ITFG1: variants seen among roughly 807,000 people sequenced by gnomAD.
ITFG1 encodes the protein integrin alpha FG-GAP repeat containing 1.
ITFG1 carries 34 observed loss-of-function variants against 81.8 expected under a neutral mutation model. The observed-to-expected ratio is 0.42, with a 90% CI of 0.32 to 0.55. The LOEUF is 0.55. ITFG1 is among the 20% of genes least tolerant of loss of function. ITFG1 has a pLI of 0.17. For synonymous variants in ITFG1, 285 were observed against 270.6 expected (o/e 1.05, Z -0.52); for missense variants, 672 against 755.4 (o/e 0.89, Z 1.29).
In ITFG1 at chr16:47,319,537, T is replaced by C. The variant is rs1382066362; in HGVS notation, c.803-5714A>G. On this transcript the variant is annotated intron_variant, in intron 8 of 17. Transcript: ENST00000320640. ...ACAACCAACATACTTGGTACGCAGA[T>C]GTGTTTTACGCATATTTTCCAACAC... Among the ~76,000 whole-genome samples, 8 of 152,230 alleles carry C rather than the reference T, an allele frequency of 5.3e-5. No homozygotes were observed. In the East Asian group the frequency reaches 1.5e-3, roughly 29 times the overall value.
chr16:47,309,591 C>G (rs1967225410), intron 10 of ITFG1, among the ~76,000 whole-genome samples: 1 of 152,132 alleles, frequency 6.6e-6, no homozygotes, highest in Non-Finnish European at 1.5e-5. Context: ...GGAATGAACA[C>G]TAAGATGAAC....
At chr16:47,449,154 T>C (rs1368757144) in intron 5 of ITFG1, 1 of 152,210 alleles carries the variant, frequency 6.6e-6, no homozygotes, top group East Asian at 1.9e-4. Flanking sequence ...CAGAAGCATT[T>C]CACACTGAAT....
chr16:47,450,958 T>C, intron 5 of ITFG1, among the ~76,000 whole-genome samples: 1 of 152,170 alleles, frequency 6.6e-6, no homozygotes, highest in East Asian at 1.9e-4. Context: ...TTCCAGAGCT[T>C]AGAGGAGTGC....
chr16:47,224,239 A>C lies in ITFG1; in HGVS notation c.1375-5293T>G, dbSNP rs1965731740. 2.0e-5 allele frequency among the ~76,000 whole-genome samples: 3 copies of C among 152,192 alleles called. No individual in the cohort carries two copies. The South Asian group carries it at 6.2e-4, about 31-fold the overall frequency. On this transcript the variant is annotated intron_variant, in intron 13 of 17. Coordinates refer to ENST00000320640, the MANE Select transcript of ITFG1 (RefSeq NM_030790.5). ...AATAAATAAATAAATAAAAGAAAAT[A>C]ATCATCAGCAATTGTTTAACATTGC...
At chr16:47,424,280 C>G (rs531310775) in intron 6 of ITFG1, among the ~76,000 whole-genome samples, 2 of 152,296 alleles carry the variant, frequency 1.3e-5, no homozygotes, top group African/African-American at 2.4e-5. Flanking sequence ...GCAGCTCCAT[C>G]AAGTCATTTA....
At chr16:47,197,050 G>A (rs908363209) in intron 14 of ITFG1, among the ~76,000 whole-genome samples, 6 of 152,194 alleles carry the variant, frequency 3.9e-5, no homozygotes, top group Non-Finnish European at 7.3e-5. Context: ...TCACATGACA[G>A]ATAGCAGGCC....
chr16:47,337,429 G>T (rs1967721273), intron 8 of ITFG1, among the ~76,000 whole-genome samples: 1 of 152,026 alleles, frequency 6.6e-6, no homozygotes. Flanking sequence ...ACTTAGCTGG[G>T]CGTGGTGGTG....
At chr16:47,437,901 A>C (rs1321635950) in intron 5 of ITFG1, among the ~76,000 whole-genome samples, 1 of 152,290 alleles carries the variant, frequency 6.6e-6, no homozygotes, top group Non-Finnish European at 1.5e-5. Flanking sequence ...TCACCTGGGA[A>C]GCGCAAGGGG....
intron 8 of ITFG1, among the ~76,000 whole-genome samples, chr16:47,324,801 G>C (rs576942632): frequency 6.6e-6 from 1 of 152,148 alleles, no homozygotes; most frequent in African/African-American, 2.4e-5. Flanking sequence ...AAATATATAT[G>C]CTCCCAATAC....
chr16:47,191,032 T>A (rs980139825), intron 14 of ITFG1, among the ~76,000 whole-genome samples: 33 of 152,194 alleles, frequency 2.2e-4, no homozygotes, highest in African/African-American at 7.7e-4. Flanking sequence ...TCTGCTTGGG[T>A]CATGTTCGCT....
chr16:47,440,992 T>G (rs542429565), intron 5 of ITFG1, among the ~76,000 whole-genome samples: 10 of 152,102 alleles, frequency 6.6e-5, no homozygotes, highest in South Asian at 4.2e-4. Context: ...CAATAAAAAA[T>G]GACAAAGGGG....
chr16:47,370,598 G>A lies in ITFG1; in HGVS notation c.721-4729C>T, dbSNP rs142407997. ...GCCACTATGCTCCCGTTGTCCAAAC[G>A]CTGGCGCCTAAGTCAGAAGCTGCTT... On this transcript the variant is annotated intron_variant, in intron 7 of 17. Coordinates refer to ENST00000320640, the MANE Select transcript of ITFG1 (RefSeq NM_030790.5). Among the ~76,000 whole-genome samples, 537 of 152,326 alleles carry A rather than the reference G, an allele frequency of 3.5e-3. 2 individuals are homozygous for A. The highest frequency in any genetic ancestry group is 6.0e-3 in the Non-Finnish European group (408 of 68,040).
intron 14 of ITFG1, among the ~76,000 whole-genome samples, chr16:47,170,301 A>T (rs1964941797): frequency 6.6e-6 from 1 of 152,182 alleles, no homozygotes. Flanking sequence ...CAGTGCAGCC[A>T]TCTGGTCCCT....
At chr16:47,287,601 C>A (rs1015035593) in intron 10 of ITFG1, among the ~76,000 whole-genome samples, 2 of 152,018 alleles carry the variant, frequency 1.3e-5, no homozygotes, top group East Asian at 3.9e-4. Context: ...CAGGGCCTCA[C>A]TATGTTATCC....
intron 14 of ITFG1, among the ~76,000 whole-genome samples, chr16:47,187,535 G>T (rs1411452992): frequency 6.6e-6 from 1 of 152,082 alleles, no homozygotes; most frequent in Non-Finnish European, 1.5e-5. Context: ...TTAATAAATG[G>T]TGCTGGGAAA....
intron 14 of ITFG1, among the ~76,000 whole-genome samples, chr16:47,169,921 T>C (rs909793066): frequency 7.2e-5 from 11 of 152,348 alleles, no homozygotes; most frequent in Non-Finnish European, 1.5e-4. Flanking sequence ...CAAATTTTTT[T>C]TAGTATCTAT....
chr16:47,427,300 G>GA (rs1307441481), intron 6 of ITFG1, among the ~76,000 whole-genome samples: 35 of 152,242 alleles, frequency 2.3e-4, no homozygotes, highest in African/African-American at 8.2e-4. Context: ...CTAATGAACT[G>GA]AAACATACAG....
chr16:47,426,726 C>T (rs889849463), intron 6 of ITFG1, among the ~76,000 whole-genome samples: 9 of 151,658 alleles, frequency 5.9e-5, no homozygotes, highest in Admixed American at 6.6e-5. Flanking sequence ...CTTTGAAAAT[C>T]GTACGTCAAT....
In ITFG1 at chr16:47,238,013, G is replaced by T; in HGVS notation, c.1331-5C>A. ...TAGAACACAGACCACTAAGAACTGT[G>T]GAAAAATAAACAGGCAATTATTACT... On this transcript the variant is annotated splice_region_variant and splice_polypyrimidine_tract_variant and intron_variant, in intron 12 of 17. Coordinates refer to ENST00000320640, the MANE Select transcript of ITFG1 (RefSeq NM_030790.5). 6.8e-7 allele frequency: 1 copy of T among 1,461,622 alleles called. No individual in the cohort carries two copies. The highest frequency in any genetic ancestry group is 2.3e-5 in the Admixed American group (1 of 43,722). 90.5% of individuals were successfully genotyped at this position (1,461,622 alleles called of 1,614,324 possible).
Sources: gnomAD v4.1 joint callset for allele counts (sites outside exome capture counted in the v4.1 genomes callset) on GRCh38, gnomAD v4.1.1 for gene constraint, MANE v1.5 for transcripts, NCBI Gene and HGNC (gene_info 2026-07-23, HGNC 2026-07-21) for gene names.